The following DIP2B variants were observed in gnomAD, a reference collection of about 807,000 sequenced individuals.
DIP2B encodes the protein DIP2 acetate--CoA ligase B (putative), also known as disco-interacting protein 2 homolog B.
In DIP2B, 76 loss-of-function variants were observed where a neutral mutation model predicts 198.0. The ratio of observed to expected loss-of-function variants is 0.38; its 90% CI spans 0.32 to 0.46. The LOEUF (loss-of-function observed/expected upper bound fraction) is 0.46. Ranked by LOEUF, DIP2B falls within the 20% of genes least tolerant of loss-of-function variation. The pLI, the probability that DIP2B is intolerant of heterozygous loss-of-function variation, is 0.99. For synonymous variants in DIP2B, 701 were observed against 739.1 expected (o/e 0.95, Z 0.84); for missense variants, 1,559 against 1,978.4 (o/e 0.79, Z 4.02).
chr12:50,686,538 T>C (rs759343184), intron 11 of DIP2B, 35 bp from the exon 12 acceptor site: 11 of 1,599,452 alleles, frequency 6.9e-6, no homozygotes, highest in Non-Finnish European at 9.4e-6. Context: ...CCTGATGGCT[T>C]AGGCAATTCA....
intron 8 of DIP2B, 23 bp from the exon 9 acceptor site, chr12:50,680,649 G>GTT: frequency 6.5e-7 from 1 of 1,548,658 alleles, no homozygotes; most frequent in Non-Finnish European, 8.8e-7. Context: ...TATGACTGTT[G>GTT]TTTTTTTTTC....
chr12:50,714,274 A>C lies in DIP2B; in HGVS notation c.2650-121A>C, dbSNP rs547378827. ...ATATGGAATCTTAGTGATCTGCCAGATTCTAGATCTAGAATGGGTAGAGTA... is the reference window on the plus strand; with the variant it reads ...ATATGGAATCTTAGTGATCTGCCAGCTTCTAGATCTAGAATGGGTAGAGTA... On this transcript the variant is annotated intron_variant, in intron 22 of 37. Transcript: ENST00000301180. 1.5e-5 allele frequency: 15 copies of C among 1,011,448 alleles called. No individual in the cohort carries two copies. In the East Asian group the frequency reaches 3.3e-4, roughly 23 times the overall value. The allele number at this position is 1,011,448 out of a possible 1,614,324, so 62.7% of individuals were successfully genotyped here.
chr12:50,528,079 C>T (rs1264748911), intron 1 of DIP2B, among the ~76,000 whole-genome samples: 2 of 151,978 alleles, frequency 1.3e-5, no homozygotes, highest in Non-Finnish European at 2.9e-5. Flanking sequence ...AAGCATGCAC[C>T]ACCATGCCCA....
At chr12:50,742,414 A>AC (rs1940265426) in intron 37 of DIP2B, among the ~76,000 whole-genome samples, 2 of 86,428 alleles carry the variant, frequency 2.3e-5, no homozygotes, top group African/African-American at 6.4e-5. Context: ...AAAAAAAAAA[A>AC]AAAAAAAACC....
chr12:50,560,982 T>A (rs1958515256), intron 1 of DIP2B, among the ~76,000 whole-genome samples: 1 of 152,188 alleles, frequency 6.6e-6, no homozygotes, highest in Non-Finnish European at 1.5e-5. Flanking sequence ...ACTTAATATT[T>A]CTTAAATTTA....
intron 2 of DIP2B, among the ~76,000 whole-genome samples, chr12:50,630,541 G>GT (rs989415295): frequency 2.0e-5 from 3 of 150,570 alleles, no homozygotes; most frequent in Admixed American, 6.6e-5. Flanking sequence ...TCCCTATGGT[G>GT]TTTTTTTATC....
At chr12:50,631,952 A>G (rs1302936119) in intron 2 of DIP2B, among the ~76,000 whole-genome samples, 1 of 150,756 alleles carries the variant, frequency 6.6e-6, no homozygotes, top group Non-Finnish European at 1.5e-5. Context: ...TTTACCCCAT[A>G]TATCTTTGTA....
intron 8 of DIP2B, chr12:50,679,078 A>G (rs1938995509): frequency 1.7e-6 from 1 of 602,246 alleles, no homozygotes; most frequent in Non-Finnish European, 2.8e-6. Context: ...GCCAGCTAAT[A>G]TTTAAAAGAC....
At chr12:50,658,171 C>G (rs1448212928) in intron 3 of DIP2B, among the ~76,000 whole-genome samples, 2 of 151,846 alleles carry the variant, frequency 1.3e-5, no homozygotes, top group East Asian at 1.9e-4. Context: ...GAGTCTTGCT[C>G]TGTCGCCCAG....
chr12:50,717,994 G>C (rs1939763975), intron 23 of DIP2B, among the ~76,000 whole-genome samples: 1 of 146,816 alleles, frequency 6.8e-6, no homozygotes, highest in Admixed American at 7.1e-5. Context: ...CCACCTCCTG[G>C]GTTCAAGCAA....
chr12:50,653,372 T>G (rs901831245), intron 3 of DIP2B, among the ~76,000 whole-genome samples: 43 of 134,732 alleles, frequency 3.2e-4, no homozygotes, highest in Non-Finnish European at 5.9e-4. Context: ...TTTTAAGAAC[T>G]CTCTGTCACC....
chr12:50,607,290 G>A (rs990538183), intron 1 of DIP2B, among the ~76,000 whole-genome samples: 5 of 151,808 alleles, frequency 3.3e-5, no homozygotes, highest in Non-Finnish European at 7.4e-5. Flanking sequence ...TTTACAGATA[G>A]AAAAAAACAA....
chr12:50,714,594 C>A lies in DIP2B; in HGVS notation c.2849C>A (p.Pro950Gln). ...TNLPKPRQKQ[P>Q]GVGPASVMVG... ...TTGCCAAAGCCCCGGCAAAAACAAC[C>A]AGGTAATATGCTGGCTTCCAAGACC... Residue 950 changes from proline to glutamine, a missense_variant and splice_region_variant, in exon 23 of 38, where the codon CCA (proline) becomes CAA (glutamine). Pro to Gln is a moderately conservative substitution (Grantham distance 76, BLOSUM62 -1). Transcript: ENST00000301180. 3 of 1,613,990 alleles carry A rather than the reference C, an allele frequency of 1.9e-6. No homozygotes were observed. The highest frequency in any genetic ancestry group is 2.5e-6 in the Non-Finnish European group (3 of 1,179,918).
intron 1 of DIP2B, among the ~76,000 whole-genome samples, chr12:50,585,236 TTGAG>T (rs1372930104): frequency 6.6e-6 from 1 of 152,242 alleles, no homozygotes; most frequent in East Asian, 1.9e-4. Context: ...CAAATATTGA[TTGAG>T]TGCCTATTCT....
At chr12:50,718,925 C>G (rs1327136555) in intron 24 of DIP2B, 30 bp from the exon 25 acceptor site, 1 of 1,613,784 alleles carries the variant, frequency 6.2e-7, no homozygotes, top group Non-Finnish European at 8.5e-7. Flanking sequence ...GTTGCTGACC[C>G]TGAGTCCTTT....
chr12:50,691,192 G>C, intron 13 of DIP2B, 41 bp downstream of exon 13: 2 of 1,556,570 alleles, frequency 1.3e-6, no homozygotes, highest in Non-Finnish European at 8.9e-7. Context: ...GTTACCTTCA[G>C]AGATGTGTGA....
At chr12:50,536,773 T>C (rs1199624779) in intron 1 of DIP2B, among the ~76,000 whole-genome samples, 1 of 152,042 alleles carries the variant, frequency 6.6e-6, no homozygotes, top group Non-Finnish European at 1.5e-5. Context: ...TTCTCCAAGT[T>C]GACCAGGCTG....
At chr12:50,516,225 C>CTCTCTCTT (rs1211418279) in intron 1 of DIP2B, among the ~76,000 whole-genome samples, 105 of 146,890 alleles carry the variant, frequency 7.1e-4, no homozygotes, top group African/African-American at 2.7e-3. Flanking sequence ...CTCTCTCTCT[C>CTCTCTCTT]TCTCTCTCTC....
chr12:50,651,563 A>G (rs1332786089), intron 3 of DIP2B, among the ~76,000 whole-genome samples: 1 of 152,238 alleles, frequency 6.6e-6, no homozygotes, highest in South Asian at 2.1e-4. Flanking sequence ...CAGTTTTCCT[A>G]ACACATTTGT....
Sources: allele counts gnomAD v4.1 joint callset (sites outside exome capture counted in the v4.1 genomes callset), GRCh38; gene constraint gnomAD v4.1.1; transcripts MANE v1.5; gene names NCBI Gene and HGNC (gene_info 2026-07-23, HGNC 2026-07-21).